The following ROBO2 variants were observed in gnomAD, a reference collection of about 807,000 sequenced individuals.
ROBO2 encodes the protein roundabout homolog 2.
A neutral mutation model predicts 160.8 loss-of-function variants in ROBO2; 53 were observed. The ratio of observed to expected loss-of-function variants is 0.33; its 90% CI spans 0.26 to 0.41. The LOEUF is 0.41. Among genes scored for constraint, ROBO2 ranks in the 10% least tolerant of loss-of-function variants. The probability of loss-of-function intolerance (pLI) is 1.00; values close to 1 mark genes in which losing one functional copy is unlikely to be tolerated. For synonymous variants in ROBO2, 664 were observed against 611.7 expected (o/e 1.09, Z -1.26); for missense variants, 1,577 against 1,722.4 (o/e 0.92, Z 1.49).
At chr3:77,296,480 C>G (rs1010386420) in intron 2 of ROBO2, among the ~76,000 whole-genome samples, 2 of 152,136 alleles carry the variant, frequency 1.3e-5, no homozygotes, top group Admixed American at 1.3e-4. Context: ...GGACTTGCCT[C>G]AGATGTTGGT....
chr3:75,996,273 CAT>C (rs1227611894), intron 2 of ROBO2, among the ~76,000 whole-genome samples: 2 of 152,276 alleles, frequency 1.3e-5, no homozygotes, highest in South Asian at 2.1e-4. Context: ...GCAATTGAAT[CAT>C]GTGGGAGGTT....
intron 2 of ROBO2, among the ~76,000 whole-genome samples, chr3:76,755,445 G>C (rs2060915620): frequency 2.0e-5 from 3 of 151,746 alleles, no homozygotes; most frequent in Admixed American, 2.0e-4. Flanking sequence ...TCCTGGGAAA[G>C]GTCATAGATG....
chr3:76,051,818 A>T (rs931030257), intron 2 of ROBO2, among the ~76,000 whole-genome samples: 2 of 151,176 alleles, frequency 1.3e-5, no homozygotes, highest in African/African-American at 4.9e-5. Flanking sequence ...TTGTAAGATA[A>T]ATTATATACC....
At chr3:77,552,203 T>C (rs538358284) in intron 8 of ROBO2, among the ~76,000 whole-genome samples, 1 of 152,176 alleles carries the variant, frequency 6.6e-6, no homozygotes, top group Non-Finnish European at 1.5e-5. Context: ...AATGTCCAGA[T>C]ACATACACTT....
At chr3:76,882,861 G>A (rs2073497016) in intron 2 of ROBO2, among the ~76,000 whole-genome samples, 1 of 152,228 alleles carries the variant, frequency 6.6e-6, no homozygotes, top group Non-Finnish European at 1.5e-5. Context: ...CTCCATCTTT[G>A]AATGATAATT....
intron 2 of ROBO2, among the ~76,000 whole-genome samples, chr3:76,443,967 C>T (rs574284153): frequency 7.9e-5 from 12 of 151,588 alleles, no homozygotes; most frequent in Non-Finnish European, 1.3e-4. Context: ...TAAAAAATAT[C>T]ATTATTATTA....
At chr3:76,414,507 A>G (rs1327821701) in intron 2 of ROBO2, among the ~76,000 whole-genome samples, 3 of 151,150 alleles carry the variant, frequency 2.0e-5, no homozygotes, top group Admixed American at 6.6e-5. Context: ...TCAGTAAACT[A>G]TCGCAAGAAG....
At chr3:76,205,486 A>T (rs551658244) in intron 2 of ROBO2, among the ~76,000 whole-genome samples, 42 of 152,242 alleles carry the variant, frequency 2.8e-4, no homozygotes, top group Non-Finnish European at 5.4e-4. Context: ...CTGCCACCAC[A>T]TGCCCATGTG....
At chr3:76,423,593 T>C (rs1475139293) in intron 2 of ROBO2, among the ~76,000 whole-genome samples, 1 of 152,080 alleles carries the variant, frequency 6.6e-6, no homozygotes, top group Non-Finnish European at 1.5e-5. Flanking sequence ...CAAGAGAAAT[T>C]GGAAAATGGG....
intron 1 of ROBO2, among the ~76,000 whole-genome samples, chr3:77,061,721 G>T (rs2066330361): frequency 6.6e-6 from 1 of 152,102 alleles, no homozygotes; most frequent in East Asian, 1.9e-4. Flanking sequence ...ATACCATTCT[G>T]CCTCTTGCAT....
intron 2 of ROBO2, among the ~76,000 whole-genome samples, chr3:76,532,771 A>C (rs1052316162): frequency 1.3e-5 from 2 of 152,196 alleles, no homozygotes; most frequent in Non-Finnish European, 2.9e-5. Context: ...ACAGTTCTAC[A>C]TTGATAATCC....
At chr3:77,276,282 C>T (rs2059823233) in intron 2 of ROBO2, among the ~76,000 whole-genome samples, 1 of 151,956 alleles carries the variant, frequency 6.6e-6, no homozygotes, top group East Asian at 1.9e-4. Flanking sequence ...AACCACTTTC[C>T]ATTACTGCCC....
At chr3:76,022,827 C>T (rs62267214) in intron 2 of ROBO2, among the ~76,000 whole-genome samples, 1 of 151,460 alleles carries the variant, frequency 6.6e-6, no homozygotes, top group African/African-American at 2.4e-5. Context: ...AAGAGTGTCA[C>T]CCTGTCCTTT....
At chr3:76,492,805 G>T (rs1054120226) in intron 2 of ROBO2, among the ~76,000 whole-genome samples, 1 of 151,976 alleles carries the variant, frequency 6.6e-6, no homozygotes, top group Admixed American at 6.6e-5. Context: ...GACAAACACA[G>T]CAGAAAGAAC....
intron 2 of ROBO2, among the ~76,000 whole-genome samples, chr3:76,295,655 G>A (rs1438943991): frequency 6.6e-6 from 1 of 152,024 alleles, no homozygotes; most frequent in African/African-American, 2.4e-5. Context: ...TTAATAACTT[G>A]ATAGAAAAGG....
exon 26 of ROBO2, chr3:77,646,244 C>A: frequency 2.3e-6 from 1 of 432,192 alleles, no homozygotes; most frequent in Admixed American, 4.3e-5. Flanking sequence ...TTAAGTACAC[C>A]ACCCACCTTA....
intron 2 of ROBO2, among the ~76,000 whole-genome samples, chr3:77,352,760 A>T (rs1189740907): frequency 1.3e-5 from 2 of 152,182 alleles, no homozygotes; most frequent in African/African-American, 4.8e-5. Context: ...CACCAGTGGG[A>T]ATGAAGTCTT....
chr3:76,261,198 GTGTGTATA>G (rs1238990099), intron 2 of ROBO2, among the ~76,000 whole-genome samples: 11 of 127,262 alleles, frequency 8.6e-5, no homozygotes, highest in Non-Finnish European at 1.4e-4. Context: ...GTGTGTGTGT[GTGTGTATA>G]TATATATATA....
At chr3:76,469,822 A>T (rs922882500) in intron 2 of ROBO2, among the ~76,000 whole-genome samples, 1 of 152,092 alleles carries the variant, frequency 6.6e-6, no homozygotes, top group Admixed American at 6.6e-5. Flanking sequence ...TGAGGAGATG[A>T]TGTCATTAAA....
Sources: gnomAD v4.1 joint callset for allele counts (sites outside exome capture counted in the v4.1 genomes callset) on GRCh38, gnomAD v4.1.1 for gene constraint, MANE v1.5 for transcripts, NCBI Gene and HGNC (gene_info 2026-07-23, HGNC 2026-07-21) for gene names.